The following ATP10B variants were observed in gnomAD, a reference collection of about 807,000 sequenced individuals.
ATP10B encodes the protein ATPase phospholipid transporting 10B (putative).
ATP10B carries 122 observed loss-of-function variants against 141.2 expected under a neutral mutation model. The ratio of observed to expected loss-of-function variants is 0.86; its 90% CI spans 0.75 to 1.00. The LOEUF (loss-of-function observed/expected upper bound fraction) is 1.00, where lower values mean the gene tolerates loss of function less well. Among genes scored for constraint, ATP10B ranks in the 50% least tolerant of loss-of-function variants. ATP10B has a pLI of 0.00. For missense variants in ATP10B, 1,876 were observed against 1,825.3 expected, an observed-to-expected ratio of 1.03 and a Z score of -0.51; for synonymous variants, 685 against 692.0, an observed-to-expected ratio of 0.99 and a Z score of 0.16.
the ATP10B span, among the ~76,000 whole-genome samples, chr5:160,904,956 G>A: frequency 6.6e-6 from 1 of 152,204 alleles, no homozygotes; most frequent in Admixed American, 6.5e-5. Context: ...GGGAGACTGA[G>A]GCCCAAAGAG....
intron 2 of ATP10B, among the ~76,000 whole-genome samples, chr5:160,783,459 ATATC>A (rs1561848810): frequency 7.4e-6 from 1 of 134,850 alleles, no homozygotes; most frequent in Non-Finnish European, 1.6e-5. Flanking sequence ...ATATATATAT[ATATC>A]ATATATATAT....
chr5:160,865,642 A>G, the ATP10B span, among the ~76,000 whole-genome samples: 1 of 152,186 alleles, frequency 6.6e-6, no homozygotes, highest in African/African-American at 2.4e-5. Context: ...CAGAGAACCC[A>G]TAGAGTGGGA....
Position 160,735,532 on chromosome 5 carries a change from C to T in ATP10B, c.-330-18498G>A, listed in dbSNP as rs1767051213. Reference sequence around the variant, plus strand: ...TTAGAGCTAAAGAGAGAGATAGACCCCAATACAATAATATCTGGAGACTTC... The same window carrying T: ...TTAGAGCTAAAGAGAGAGATAGACCTCAATACAATAATATCTGGAGACTTC... On this transcript the variant is annotated intron_variant, in intron 2 of 25. Transcript: ENST00000327245. Among the ~76,000 whole-genome samples, 12 of 151,944 alleles carry T rather than the reference C, an allele frequency of 7.9e-5. No individual in the cohort carries two copies. In the South Asian group the frequency reaches 2.5e-3, roughly 32 times the overall value.
chr5:160,888,148 C>T, the ATP10B span, among the ~76,000 whole-genome samples: 1 of 152,308 alleles, frequency 6.6e-6, no homozygotes, highest in African/African-American at 2.4e-5. Context: ...GTAGACTGGC[C>T]TCTGTACAAG....
At chr5:160,636,365 G>A (rs1581238475) in intron 10 of ATP10B, 56 bp from the exon 11 acceptor site, 4 of 1,573,822 alleles carry the variant, frequency 2.5e-6, no homozygotes, top group Middle Eastern at 1.7e-4. Flanking sequence ...CCTAAAGTTG[G>A]TCAATTATAC....
the ATP10B span, among the ~76,000 whole-genome samples, chr5:160,922,965 G>C: frequency 6.6e-6 from 1 of 152,180 alleles, no homozygotes; most frequent in Admixed American, 6.5e-5. Flanking sequence ...GAAATAGGAT[G>C]GTTTTATTTT....
intron 2 of ATP10B, among the ~76,000 whole-genome samples, chr5:160,763,571 AG>A (rs542223033): frequency 7.2e-4 from 109 of 152,308 alleles, no homozygotes; most frequent in African/African-American, 2.4e-3. Flanking sequence ...CAGTGCTAAA[AG>A]GAAAGTTCAT....
At chr5:160,732,512 T>C (rs1468838523) in intron 2 of ATP10B, among the ~76,000 whole-genome samples, 1 of 152,222 alleles carries the variant, frequency 6.6e-6, no homozygotes, top group Non-Finnish European at 1.5e-5. Flanking sequence ...TTCATTCTTC[T>C]GCATATGGAT....
intron 22 of ATP10B, among the ~76,000 whole-genome samples, chr5:160,591,644 G>A (rs1481511211): frequency 1.3e-5 from 2 of 152,160 alleles, no homozygotes; most frequent in African/African-American, 4.8e-5. Context: ...CCAGAAACAA[G>A]GCTTCTCAGG....
intron 2 of ATP10B, among the ~76,000 whole-genome samples, chr5:160,727,319 G>A (rs987679650): frequency 6.6e-6 from 1 of 152,204 alleles, no homozygotes; most frequent in African/African-American, 2.4e-5. Context: ...AGGCATAAGT[G>A]AATGGCTGAG....
chr5:160,869,640 A>G, the ATP10B span, among the ~76,000 whole-genome samples: 1 of 152,188 alleles, frequency 6.6e-6, no homozygotes, highest in Non-Finnish European at 1.5e-5. Flanking sequence ...TGTATCTGTA[A>G]GAAAAGTGAG....
intron 2 of ATP10B, among the ~76,000 whole-genome samples, chr5:160,765,283 A>G (rs974043723): frequency 7.2e-5 from 11 of 152,168 alleles, no homozygotes; most frequent in African/African-American, 2.4e-4. Flanking sequence ...TAAGCAAAAA[A>G]GAACAAATCT....
In ATP10B at chr5:160,565,185, G is replaced by C. The variant is rs541748505; in HGVS notation, c.*268C>G. On this transcript the variant is annotated 3_prime_UTR_variant, in exon 26 of 26. Transcript: ENST00000327245. ...GAATGGCTTTGGTCTAAACCGATTT[G>C]AGAACTCGATTCAACAAAAACAGCC... 2 of 485,706 alleles carry C rather than the reference G, an allele frequency of 4.1e-6. No homozygotes were observed. Among genetic ancestry groups the C allele is most frequent in the Non-Finnish European group, 3.7e-6 (1 of 270,170 alleles). 30.1% of individuals were successfully genotyped at this position (485,706 alleles called of 1,614,324 possible).
chr5:160,657,667 G>GCCAAGC (rs1761599470), intron 7 of ATP10B, among the ~76,000 whole-genome samples: 2 of 152,170 alleles, frequency 1.3e-5, no homozygotes, highest in Non-Finnish European at 2.9e-5. Context: ...GGCTTGGCAT[G>GCCAAGC]CCAAGCAAAT....
chr5:160,688,694 C>A, intron 4 of ATP10B, 66 bp downstream of exon 4: 4 of 864,182 alleles, frequency 4.6e-6, no homozygotes, highest in Non-Finnish European at 5.6e-6. Context: ...GGAAAAGGTA[C>A]CTATTCTTTA....
intron 3 of ATP10B, among the ~76,000 whole-genome samples, chr5:160,690,388 G>A (rs1260684683): frequency 6.6e-6 from 1 of 152,164 alleles, no homozygotes; most frequent in Non-Finnish European, 1.5e-5. Context: ...CTTCTGCACA[G>A]CAAAAGAAAC....
chr5:160,643,493 T>A (rs1041207065), intron 9 of ATP10B, among the ~76,000 whole-genome samples: 2 of 152,192 alleles, frequency 1.3e-5, no homozygotes, highest in African/African-American at 2.4e-5. Flanking sequence ...ATACAGCAGC[T>A]CCAAGATTGC....
At chr5:160,765,327 T>G (rs1006290558) in intron 2 of ATP10B, among the ~76,000 whole-genome samples, 1 of 152,110 alleles carries the variant, frequency 6.6e-6, no homozygotes, top group African/African-American at 2.4e-5. Flanking sequence ...CAATCTATAT[T>G]ACAAGGATAC....
At chr5:160,611,525 T>C (rs1158322911) in intron 18 of ATP10B, among the ~76,000 whole-genome samples, 2 of 152,232 alleles carry the variant, frequency 1.3e-5, no homozygotes, top group Non-Finnish European at 2.9e-5. Context: ...TGAAAATTCA[T>C]TAAGGTTTAA....
Sources: allele counts gnomAD v4.1 joint callset (sites outside exome capture counted in the v4.1 genomes callset), GRCh38; gene constraint gnomAD v4.1.1; transcripts MANE v1.5; gene names NCBI Gene and HGNC (gene_info 2026-07-23, HGNC 2026-07-21).